Variants in ATP8B1 observed in about 807,000 individuals in gnomAD.
ATP8B1 encodes phospholipid-transporting ATPase IC.
In ATP8B1, 80 loss-of-function variants were observed where a neutral mutation model predicts 149.9. The observed-to-expected ratio is 0.53, with a 90% CI of 0.45 to 0.64. The LOEUF (loss-of-function observed/expected upper bound fraction) is 0.64. Ranked by LOEUF, ATP8B1 falls within the 30% of genes least tolerant of loss-of-function variation. The probability of loss-of-function intolerance (pLI) is 0.00; values close to 1 mark genes in which losing one functional copy is unlikely to be tolerated. For missense variants in ATP8B1, 1,247 were observed against 1,552.6 expected (o/e 0.80, Z 3.31); for synonymous variants, 536 against 562.8 (o/e 0.95, Z 0.67).
rs79009229 is a variant in ATP8B1 at position 57,782,803 on chromosome 18, C to CTTTTTTTTTTTTTTTTTTTTT, written c.-26+20174_-26+20194dup. ...GGCTCAGATTAATTCTAGTTTGTCT[C>CTTTTTTTTTTTTTTTTTTTTT]TTTTTTTTTTTTTTTTTTTTTTTTT... On this transcript the variant is annotated intron_variant, in intron 1 of 27. Transcript: ENST00000648908. Among the ~76,000 whole-genome samples the CTTTTTTTTTTTTTTTTTTTTT allele has an allele frequency of 4.4e-5, 4 of 91,178 alleles. 1 individual carries two copies. Among genetic ancestry groups the CTTTTTTTTTTTTTTTTTTTTT allele is most frequent in the East Asian group, 1.2e-3 (2 of 1,604 alleles). The allele number at this position is 91,178 out of a possible 152,430, so 59.8% of individuals were successfully genotyped here. A position where few individuals can be genotyped will look rare whatever the true frequency, so the allele number is the denominator to read the frequency against.
At chr18:57,798,080 A>G (rs1285174864) in intron 1 of ATP8B1, among the ~76,000 whole-genome samples, 1 of 152,066 alleles carries the variant, frequency 6.6e-6, no homozygotes, top group East Asian at 1.9e-4. Context: ...TGAAGCAGAG[A>G]GGTAATTCCC....
chr18:57,748,375 A>T (rs1338747945), intron 1 of ATP8B1, among the ~76,000 whole-genome samples: 1 of 152,198 alleles, frequency 6.6e-6, no homozygotes, highest in Non-Finnish European at 1.5e-5. Flanking sequence ...AACTTCCAGA[A>T]ACTAGGAGAG....
At position 57,784,096 on chromosome 18, in the gene ATP8B1, A is replaced by G. The variant is rs1311150904; in HGVS notation, c.-26+18902T>C. Reference sequence around the variant, plus strand: ...AGAAATGACATTTGGGCCAAAAGGCAAAAGATAAGGAGCCTTTCAGAGGAA... The same window carrying G: ...AGAAATGACATTTGGGCCAAAAGGCGAAAGATAAGGAGCCTTTCAGAGGAA... On this transcript the variant is annotated intron_variant, in intron 1 of 27. Transcript: ENST00000648908. The surrounding 1 kb of genome is among the most constrained non-coding windows in gnomAD (Gnocchi z 4.4). Among the ~76,000 whole-genome samples, 2 of 152,224 alleles carry G rather than the reference A, an allele frequency of 1.3e-5. No individual in the cohort carries two copies. Among genetic ancestry groups the G allele is most frequent in the African/African-American group, 2.4e-5 (1 of 41,470 alleles).
At chr18:57,799,833 AG>A (rs2080556814) in intron 1 of ATP8B1, among the ~76,000 whole-genome samples, 1 of 152,168 alleles carries the variant, frequency 6.6e-6, no homozygotes, top group Admixed American at 6.5e-5. Context: ...AAACAATACC[AG>A]GTCTTCAGTG....
At chr18:57,650,667 AC>A (rs1447371166) in intron 26 of ATP8B1, among the ~76,000 whole-genome samples, 170 bp from the exon 27 acceptor site, 4 of 151,890 alleles carry the variant, frequency 2.6e-5, no homozygotes, top group African/African-American at 9.7e-5. Context: ...ACATGGTGAA[AC>A]CCCGTCTCTA....
At chr18:57,781,797 A>T (rs956309004) in intron 1 of ATP8B1, among the ~76,000 whole-genome samples, 3 of 152,138 alleles carry the variant, frequency 2.0e-5, no homozygotes, top group Admixed American at 2.0e-4. Flanking sequence ...CCTGAACAAC[A>T]TAAGGATACC....
intron 1 of ATP8B1, among the ~76,000 whole-genome samples, chr18:57,768,477 A>G (rs1016233077): frequency 3.3e-5 from 5 of 150,770 alleles, no homozygotes; most frequent in African/African-American, 1.2e-4. Context: ...AATCATACCT[A>G]TTCTCCAAAG....
chr18:57,719,568 G>C lies in ATP8B1; in HGVS notation c.181+12059C>G, dbSNP rs569955942. Among the ~76,000 whole-genome samples, 36 of 152,298 alleles carry C rather than the reference G, an allele frequency of 2.4e-4. 1 individual carries two copies. Among genetic ancestry groups the C allele is most frequent in the Admixed American group, 9.2e-4 (14 of 15,294 alleles). ...TTTTCAGACCGGCTTGAAAAACGGC[G>C]CACCTAGAGACTATATCCCACACCT... On this transcript the variant is annotated intron_variant, in intron 2 of 27. Coordinates refer to ENST00000648908, the MANE Select transcript of ATP8B1 (RefSeq NM_001374385.1).
At chr18:57,650,830 CT>C in intron 26 of ATP8B1, among the ~76,000 whole-genome samples, 2 of 151,988 alleles carry the variant, frequency 1.3e-5, no homozygotes, top group Non-Finnish European at 2.9e-5. Context: ...AAGCAAAACT[CT>C]GTCTCAAAAA....
intron 11 of ATP8B1, 83 bp from the exon 12 acceptor site, chr18:57,692,080 C>T (rs1023544500): frequency 1.3e-5 from 20 of 1,544,494 alleles, no homozygotes; most frequent in East Asian, 2.4e-5. Flanking sequence ...TAACCTTACT[C>T]AATACTTCAT....
intron 1 of ATP8B1, among the ~76,000 whole-genome samples, chr18:57,745,698 C>T (rs2079958056): frequency 6.6e-6 from 1 of 151,458 alleles, no homozygotes; most frequent in South Asian, 2.1e-4. Context: ...GCACTGTCAT[C>T]CAGGCTGGAG....
At chr18:57,727,111 T>G (rs1364881375) in intron 2 of ATP8B1, among the ~76,000 whole-genome samples, 3 of 151,972 alleles carry the variant, frequency 2.0e-5, no homozygotes, top group African/African-American at 7.2e-5. Flanking sequence ...ATAAAAAGAA[T>G]AAAATAAAAT....
At chr18:57,719,599 G>T (rs906332089) in intron 2 of ATP8B1, among the ~76,000 whole-genome samples, 6 of 152,188 alleles carry the variant, frequency 3.9e-5, no homozygotes. Context: ...CACCTGGCTC[G>T]GAGGGTCCTA....
chr18:57,791,592 C>T (rs1475128800), intron 1 of ATP8B1, among the ~76,000 whole-genome samples: 1 of 151,762 alleles, frequency 6.6e-6, no homozygotes, highest in Non-Finnish European at 1.5e-5. Context: ...TATCCCCCAG[C>T]CTCGGCCTCC....
In ATP8B1 at chr18:57,685,265, G is replaced by A. The variant is rs779989853; in HGVS notation, c.1430-150C>T. The A allele has an allele frequency of 1.0e-4, 91 of 874,444 alleles. 1 individual carries two copies. The highest frequency in any genetic ancestry group is 1.6e-4 in the Non-Finnish European group (84 of 525,324). The allele number at this position is 874,444 out of a possible 1,614,324, so 54.2% of individuals were successfully genotyped here. A position where few individuals can be genotyped will look rare whatever the true frequency, so the allele number is the denominator to read the frequency against. ...TATTATCTGGCACTTTACAGAAAAC[G>A]TTAGATGACCCCTGGTCTAGATATT... On this transcript the variant is annotated intron_variant, in intron 13 of 27. Transcript: ENST00000648908.
chr18:57,672,831 A>C (rs1911285164), intron 16 of ATP8B1, among the ~76,000 whole-genome samples: 1 of 136,606 alleles, frequency 7.3e-6, no homozygotes, highest in Non-Finnish European at 1.5e-5. Flanking sequence ...GCACCATTGC[A>C]CTTCAGCCTG....
chr18:57,717,397 A>G (rs1287429579), intron 2 of ATP8B1, among the ~76,000 whole-genome samples: 1 of 150,994 alleles, frequency 6.6e-6, no homozygotes, highest in Non-Finnish European at 1.5e-5. Flanking sequence ...AATACAAAAA[A>G]CTTAGGTGGG....
chr18:57,669,065 A>G, intron 18 of ATP8B1: 1 of 307,018 alleles, frequency 3.3e-6, no homozygotes, highest in Admixed American at 4.6e-5. Flanking sequence ...AATTTTAATA[A>G]GTGATATACA....
intron 14 of ATP8B1, 114 bp downstream of exon 14, chr18:57,684,958 G>A (rs1194974030): frequency 3.8e-6 from 5 of 1,329,890 alleles, no homozygotes; most frequent in Non-Finnish European, 4.3e-6. Context: ...CAACCACCAG[G>A]AGCAGGGAAG....
Sources: allele counts gnomAD v4.1 joint callset (sites outside exome capture counted in the v4.1 genomes callset), GRCh38; gene constraint gnomAD v4.1.1; non-coding constraint Gnocchi (gnomAD v3.1); transcripts MANE v1.5; gene names NCBI Gene and HGNC (gene_info 2026-07-23, HGNC 2026-07-21).